INPP4A: variants seen among roughly 807,000 people sequenced by gnomAD.
The protein encoded by INPP4A is inositol polyphosphate-4-phosphatase, type I, 107kD.
A neutral mutation model predicts 119.8 loss-of-function variants in INPP4A; 33 were observed. The observed-to-expected ratio is 0.28, with a 90% CI of 0.21 to 0.37. INPP4A has a LOEUF of 0.37. INPP4A is among the 10% of genes least tolerant of loss of function. INPP4A has a pLI of 1.00. For synonymous variants in INPP4A, 496 were observed against 500.7 expected (o/e 0.99, Z 0.12); for missense variants, 956 against 1,289.9 (o/e 0.74, Z 3.97).
At position 98,520,121 on chromosome 2, in the gene INPP4A, G is replaced by A. The variant is rs577655686; in HGVS notation, c.73G>A (p.Val25Met). ...RAMQRASTIDVAADMLGLSLA... is the reference protein window; with the variant it reads ...RAMQRASTIDMAADMLGLSLA... ...AATGCAGCGGGCTTCCACCATCGACGTGGCGGCCGACATGCTGGGCCTCTC... is the reference window on the plus strand; with the variant it reads ...AATGCAGCGGGCTTCCACCATCGACATGGCGGCCGACATGCTGGGCCTCTC... The change falls in exon 3 of 25, where the codon GTG becomes ATG. Residue 25 changes from valine (V) to methionine (M), a missense_variant. Val to Met is a conservative substitution (Grantham distance 21). Coordinates refer to ENST00000409851, the MANE Select transcript of INPP4A (RefSeq NM_001134225.2). 1.0e-5 allele frequency: 16 copies of A among 1,565,500 alleles called. No individual in the cohort carries two copies. Among genetic ancestry groups the A allele is most frequent in the East Asian group, 4.8e-5 (2 of 42,064 alleles).
At chr2:98,542,047 A>T (rs1257748232) in intron 10 of INPP4A, among the ~76,000 whole-genome samples, 1 of 152,258 alleles carries the variant, frequency 6.6e-6, no homozygotes, top group Non-Finnish European at 1.5e-5. Flanking sequence ...GGAACTCCAG[A>T]TGTTTCAGCG....
At chr2:98,555,485 T>G in intron 15 of INPP4A, 68 bp from the exon 16 acceptor site, 3 of 1,507,272 alleles carry the variant, frequency 2.0e-6, no homozygotes, top group Non-Finnish European at 2.7e-6. Context: ...GGAGGGCGAT[T>G]TGGTTTGTGT....
At position 98,586,040 on chromosome 2, in the gene INPP4A, C is replaced by T. The variant is rs965632180; in HGVS notation, c.2787-1436C>T. On this transcript the variant is annotated intron_variant, in intron 24 of 24. Transcript: ENST00000409851. Reference sequence around the variant, plus strand: ...ATAGCTTCTGCTTTAAGTGGAAGTACGTTTTTGATTACTGAATGAATGTTA... The same window carrying T: ...ATAGCTTCTGCTTTAAGTGGAAGTATGTTTTTGATTACTGAATGAATGTTA... Among the ~76,000 whole-genome samples the T allele has an allele frequency of 2.6e-5, 4 of 152,112 alleles. No homozygotes were observed. In the South Asian group the frequency reaches 6.2e-4, roughly 24 times the overall value.
At chr2:98,574,948 T>C (rs1246355664) in intron 23 of INPP4A, among the ~76,000 whole-genome samples, 1 of 152,120 alleles carries the variant, frequency 6.6e-6, no homozygotes, top group Non-Finnish European at 1.5e-5. Flanking sequence ...AGTGTAGAGG[T>C]GCAAGGCTCT....
At chr2:98,491,328 C>T (rs771151212) in intron 1 of INPP4A, among the ~76,000 whole-genome samples, 5 of 152,226 alleles carry the variant, frequency 3.3e-5, no homozygotes, top group Non-Finnish European at 7.3e-5. Context: ...CGCAGCGCCA[C>T]GTAGGGCCTG....
intron 1 of INPP4A, among the ~76,000 whole-genome samples, chr2:98,467,354 C>T (rs546805673): frequency 6.6e-6 from 1 of 152,348 alleles, no homozygotes; most frequent in South Asian, 2.1e-4. Flanking sequence ...ACATTGTCCT[C>T]TTGTGCCTGT....
At chr2:98,523,996 C>T (rs1267536595) in intron 4 of INPP4A, among the ~76,000 whole-genome samples, 2 of 152,112 alleles carry the variant, frequency 1.3e-5, no homozygotes, top group African/African-American at 4.8e-5. Flanking sequence ...TGGCAAAATA[C>T]CTTTTTTAAT....
intron 1 of INPP4A, among the ~76,000 whole-genome samples, chr2:98,457,402 CA>C (rs548656650): frequency 6.3e-4 from 96 of 152,262 alleles, no homozygotes; most frequent in Non-Finnish European, 1.2e-3. Context: ...CTCAAACAAA[CA>C]AACAAAAACA....
rs749167994 is a variant in INPP4A, at chr2:98,564,658, G to A, written c.2047G>A (p.Gly683Ser). Residue 683 changes from glycine to serine, a missense_variant, in exon 19 of 25, where the codon GGC becomes AGC. Transcript: ENST00000409851. Reference sequence around the variant, plus strand: ...CCCACAGCTGACCGCCCTCATCTGCGGCTTCATCATTAAGCTGAGGAACTG... The same window carrying A: ...CCCACAGCTGACCGCCCTCATCTGCAGCTTCATCATTAAGCTGAGGAACTG... ...FCQTLTALIC[G>S]FIIKLRNCLH... 3.7e-5 allele frequency: 60 copies of A among 1,613,274 alleles called. No homozygotes were observed. Among genetic ancestry groups the A allele is most frequent in the South Asian group, 1.5e-4 (14 of 90,910 alleles).
intron 4 of INPP4A, among the ~76,000 whole-genome samples, chr2:98,522,109 GA>G (rs1687310117): frequency 6.6e-6 from 1 of 151,894 alleles, no homozygotes; most frequent in Non-Finnish European, 1.5e-5. Context: ...CCAACATGGT[GA>G]AACCCTGTGT....
At chr2:98,552,751 G>T in intron 13 of INPP4A, 35 bp from the exon 14 acceptor site, 1 of 1,528,964 alleles carries the variant, frequency 6.5e-7, no homozygotes, top group South Asian at 1.1e-5. Flanking sequence ...TCAGATTCTG[G>T]AGAATCCCTT....
intron 1 of INPP4A, among the ~76,000 whole-genome samples, chr2:98,481,543 G>T (rs543632778): frequency 6.6e-6 from 1 of 152,202 alleles, no homozygotes; most frequent in Non-Finnish European, 1.5e-5. Context: ...GCTATCTGAA[G>T]TGGTTTTAGA....
intron 1 of INPP4A, among the ~76,000 whole-genome samples, chr2:98,497,219 G>A (rs1315761189): frequency 1.3e-5 from 2 of 152,196 alleles, no homozygotes; most frequent in South Asian, 4.1e-4. Context: ...CAAGAATTGG[G>A]GTTTGGGAAC....
chr2:98,579,073 G>A (rs1483970679), intron 24 of INPP4A, among the ~76,000 whole-genome samples: 2 of 146,232 alleles, frequency 1.4e-5, no homozygotes, highest in Non-Finnish European at 3.0e-5. Flanking sequence ...TTTTTTTTGA[G>A]ATGGAATCTT....
chr2:98,541,855 G>A (rs752435386), intron 10 of INPP4A, among the ~76,000 whole-genome samples: 3 of 152,220 alleles, frequency 2.0e-5, no homozygotes, highest in Non-Finnish European at 4.4e-5. Context: ...AAAAAGCTGG[G>A]ATTCCAGGCA....
At chr2:98,563,227 C>G (rs1695806021) in intron 17 of INPP4A, among the ~76,000 whole-genome samples, 1 of 151,930 alleles carries the variant, frequency 6.6e-6, no homozygotes, top group Non-Finnish European at 1.5e-5. Flanking sequence ...GTTCAGGAGA[C>G]CAGGCATGTC....
intron 24 of INPP4A, among the ~76,000 whole-genome samples, chr2:98,582,600 CAAAG>C (rs922619461): frequency 1.8e-4 from 28 of 151,482 alleles, no homozygotes; most frequent in South Asian, 4.2e-4. Context: ...CTGCATACGC[CAAAG>C]AAAGATCACC....
chr2:98,560,730 C>A (rs547678099), intron 17 of INPP4A, among the ~76,000 whole-genome samples: 1 of 152,228 alleles, frequency 6.6e-6, no homozygotes, highest in African/African-American at 2.4e-5. Context: ...AGCTGGCTGT[C>A]GCCTGAGCCT....
intron 4 of INPP4A, among the ~76,000 whole-genome samples, chr2:98,524,984 A>T (rs761998908): frequency 6.6e-6 from 1 of 152,218 alleles, no homozygotes; most frequent in Non-Finnish European, 1.5e-5. Flanking sequence ...TTAGAAATCC[A>T]GTGTGCTCAC....
Sources: allele counts gnomAD v4.1 joint callset (sites outside exome capture counted in the v4.1 genomes callset), GRCh38; gene constraint gnomAD v4.1.1; transcripts MANE v1.5; gene names NCBI Gene and HGNC (gene_info 2026-07-23, HGNC 2026-07-21).